Variants in LRRN3 observed in about 807,000 individuals in gnomAD.
LRRN3 encodes the protein leucine rich repeat neuronal 3.
In LRRN3, 15 loss-of-function variants were observed where a neutral mutation model predicts 40.1. The ratio of observed to expected loss-of-function variants is 0.37; its 90% CI spans 0.25 to 0.58. The LOEUF (loss-of-function observed/expected upper bound fraction) is 0.58. Ranked by LOEUF, LRRN3 falls within the 20% of genes least tolerant of loss-of-function variation. The pLI is 0.72. For missense variants in LRRN3, 746 were observed against 837.7 expected (o/e 0.89, Z 1.35); for synonymous variants, 308 against 297.2 (o/e 1.04, Z -0.37).
chr7:111,111,942 G>GTTTGTTT (rs1799264812), intron 2 of LRRN3, among the ~76,000 whole-genome samples: 3 of 84,120 alleles, frequency 3.6e-5, no homozygotes, highest in Admixed American at 1.5e-4. Context: ...TATATAGTTT[G>GTTTGTTT]TTTTTTTTTT....
intron 2 of LRRN3, among the ~76,000 whole-genome samples, chr7:111,104,552 A>T (rs2129580965): frequency 6.6e-6 from 1 of 151,800 alleles, no homozygotes; most frequent in South Asian, 2.1e-4. Flanking sequence ...ACTACTTAGT[A>T]TGGTTGCCAG....
rs554130905 is a variant in LRRN3 at position 111,094,274 on chromosome 7, T to C, written c.-441+2770T>C. Among the ~76,000 whole-genome samples, 3 of 152,224 alleles carry C rather than the reference T, an allele frequency of 2.0e-5. No individual in the cohort carries two copies. The East Asian group carries it at 5.8e-4, about 29-fold the overall frequency. The stretch of plus-strand genomic sequence containing the variant: ...AAACACTTATGTAAGTTAAATGTTA[T>C]TACTTAATTAGCAGCCCCTGAAAAT... On this transcript the variant is annotated intron_variant, in intron 1 of 2. Transcript: ENST00000308478.
chr7:111,091,609 G>A (rs2129577915), intron 1 of LRRN3, 105 bp downstream of exon 1: 1 of 152,278 alleles, frequency 6.6e-6, no homozygotes, highest in South Asian at 2.1e-4. Flanking sequence ...CTTCTTGTCT[G>A]AATTCTAAGA....
At chr7:111,111,527 A>G (rs1395137572) in intron 2 of LRRN3, among the ~76,000 whole-genome samples, 1 of 151,834 alleles carries the variant, frequency 6.6e-6, no homozygotes. Context: ...GGGGGATCTC[A>G]TATTTCCCAA....
At position 111,125,051 on chromosome 7, in the gene LRRN3, T is replaced by G. The variant is rs1801150037; in HGVS notation, c.*152T>G. The G allele has an allele frequency of 1.7e-6, 1 of 587,332 alleles. No individual in the cohort carries two copies. Among genetic ancestry groups the G allele is most frequent in the Non-Finnish European group, 3.0e-6 (1 of 338,620 alleles). The allele number at this position is 587,332 out of a possible 1,614,324, so 36.4% of individuals were successfully genotyped here. A position where few individuals can be genotyped will look rare whatever the true frequency, so the allele number is the denominator to read the frequency against. ...GAAGTTTAAGCTTCACCAATGCTGCTCCTGACCAATGGAAATATGTACAAC... is the reference window on the plus strand; with the variant it reads ...GAAGTTTAAGCTTCACCAATGCTGCGCCTGACCAATGGAAATATGTACAAC... On this transcript the variant is annotated 3_prime_UTR_variant, in exon 3 of 3. Transcript: ENST00000308478.
At chr7:111,108,019 T>C (rs754006210) in intron 2 of LRRN3, among the ~76,000 whole-genome samples, 39 of 152,188 alleles carry the variant, frequency 2.6e-4, no homozygotes, top group Admixed American at 9.2e-4. Flanking sequence ...CGAGTATATA[T>C]GGCTTTCTTT....
chr7:111,118,185 A>C (rs2129586478), intron 2 of LRRN3, among the ~76,000 whole-genome samples: 1 of 152,214 alleles, frequency 6.6e-6, no homozygotes, highest in South Asian at 2.1e-4. Flanking sequence ...TTGATAACTG[A>C]AAACTTGGTG....
intron 2 of LRRN3, among the ~76,000 whole-genome samples, chr7:111,116,463 C>T (rs1799890167): frequency 6.6e-6 from 1 of 152,070 alleles, no homozygotes; most frequent in African/African-American, 2.4e-5. Context: ...TATGGGTATA[C>T]ATGACATACA....
At chr7:111,119,701 C>T (rs994085865) in intron 2 of LRRN3, among the ~76,000 whole-genome samples, 28 of 152,152 alleles carry the variant, frequency 1.8e-4, no homozygotes, top group Admixed American at 5.9e-4. Flanking sequence ...TAATACAATT[C>T]ATTTATCAGT....
At chr7:111,117,934 G>A (rs1175901600) in intron 2 of LRRN3, among the ~76,000 whole-genome samples, 2 of 152,024 alleles carry the variant, frequency 1.3e-5, no homozygotes, top group Non-Finnish European at 1.5e-5. Context: ...TTGTTCTTAA[G>A]CTTTAGCATT....
intron 2 of LRRN3, among the ~76,000 whole-genome samples, chr7:111,120,616 G>C (rs1237037914): frequency 1.3e-5 from 2 of 151,900 alleles, no homozygotes; most frequent in African/African-American, 4.8e-5. Context: ...TTATTCTCAG[G>C]GAAAAATAAA....
At chr7:111,097,672 G>A (rs1045446183) in intron 1 of LRRN3, among the ~76,000 whole-genome samples, 1 of 151,594 alleles carries the variant, frequency 6.6e-6, no homozygotes, top group Admixed American at 6.6e-5. Flanking sequence ...TTACTGTATC[G>A]CTATATTTAT....
intron 2 of LRRN3, among the ~76,000 whole-genome samples, chr7:111,105,013 TGCAAAGAGCAGAGA>T (rs1384040664): frequency 6.6e-6 from 1 of 151,784 alleles, no homozygotes; most frequent in Non-Finnish European, 1.5e-5. Flanking sequence ...CTTGCCAGAA[TGCAAAGAGCAGAGA>T]GGCATGACCA....
intron 1 of LRRN3, 25 bp from the exon 2 acceptor site, chr7:111,099,856 C>G (rs1245274504): frequency 2.0e-5 from 3 of 151,154 alleles, no homozygotes; most frequent in Non-Finnish European, 3.0e-5. Flanking sequence ...GGTTTTTTTC[C>G]TGCTACTTCT....
intron 2 of LRRN3, among the ~76,000 whole-genome samples, chr7:111,106,167 A>C (rs1399206681): frequency 1.3e-5 from 2 of 152,122 alleles, no homozygotes; most frequent in African/African-American, 4.8e-5. Flanking sequence ...CATGCTAAAT[A>C]AAATGGGAGG....
At chr7:111,093,171 T>C (rs1293762023) in intron 1 of LRRN3, among the ~76,000 whole-genome samples, 1 of 152,176 alleles carries the variant, frequency 6.6e-6, no homozygotes, top group East Asian at 1.9e-4. Context: ...CTCTGTAAGA[T>C]GAACAAGTTT....
intron 2 of LRRN3, among the ~76,000 whole-genome samples, chr7:111,100,706 T>C (rs1267467388): frequency 6.6e-6 from 1 of 151,332 alleles, no homozygotes; most frequent in African/African-American, 2.4e-5. Flanking sequence ...ATTAAGGTTT[T>C]TTTGTTTTTG....
chr7:111,097,072 G>A (rs1563238261), intron 1 of LRRN3: 1 of 151,848 alleles, frequency 6.6e-6, no homozygotes, highest in East Asian at 1.9e-4. Flanking sequence ...TTCAGGGAAG[G>A]AGTGTAAACA....
chr7:111,110,167 T>G (rs1235674644), intron 2 of LRRN3, among the ~76,000 whole-genome samples: 1 of 152,148 alleles, frequency 6.6e-6, no homozygotes, highest in African/African-American at 2.4e-5. Context: ...TGAACTATAC[T>G]AAAATATGCA....
Sources: allele counts gnomAD v4.1 joint callset (sites outside exome capture counted in the v4.1 genomes callset), GRCh38; gene constraint gnomAD v4.1.1; transcripts MANE v1.5; gene names NCBI Gene and HGNC (gene_info 2026-07-23, HGNC 2026-07-21).